The following MCF2 variants were observed in gnomAD, a reference collection of about 807,000 sequenced individuals.
MCF2 encodes MCF.2 cell line derived transforming sequence.
A neutral mutation model predicts 82.5 loss-of-function variants in MCF2; 44 were observed. The observed-to-expected ratio is 0.53, with a 90% CI of 0.42 to 0.69. The LOEUF (loss-of-function observed/expected upper bound fraction) is 0.69, where lower values mean the gene tolerates loss of function less well. MCF2 is among the 30% of genes least tolerant of loss of function. The pLI, the probability that MCF2 is intolerant of heterozygous loss-of-function variation, is 0.00. For synonymous variants in MCF2, 217 were observed against 224.9 expected (o/e 0.96, Z 0.32); for missense variants, 623 against 663.1 (o/e 0.94, Z 0.66).
intron 6 of MCF2, among the ~76,000 whole-genome samples, chrX:139,625,459 G>A (rs921094369): frequency 1.8e-5 from 2 of 111,344 alleles, no homozygotes; most frequent in Non-Finnish European, 3.8e-5. Flanking sequence ...CGCGTCCAGA[G>A]TACAGTGCTC....
At chrX:139,634,512 G>A (rs1439884480) in intron 1 of MCF2, among the ~76,000 whole-genome samples, 3 of 112,266 alleles carry the variant, frequency 2.7e-5, no homozygotes, top group Non-Finnish European at 5.6e-5. Context: ...AAAATGTTAA[G>A]TGGCAATGAG....
At chrX:139,686,938 T>C (rs181812361) in intron 1 of MCF2, among the ~76,000 whole-genome samples, 1 of 111,587 alleles carries the variant, frequency 9.0e-6, no homozygotes, top group Non-Finnish European at 1.9e-5. Flanking sequence ...AACCTTCCAA[T>C]GGCTCATCAT....
chrX:139,665,592 C>T (rs776691660), intron 1 of MCF2, among the ~76,000 whole-genome samples: 1 of 110,821 alleles, frequency 9.0e-6, no homozygotes, highest in South Asian at 3.9e-4. Flanking sequence ...GTCTTTCCTA[C>T]CCTCTTCAGT....
At chrX:139,590,839 T>C (rs913172104) in intron 19 of MCF2, among the ~76,000 whole-genome samples, 2 of 110,480 alleles carry the variant, frequency 1.8e-5, no homozygotes, top group Non-Finnish European at 3.8e-5. Flanking sequence ...GAGATCGCCA[T>C]ACCAAGGAGA....
chrX:139,623,198 T>C (rs1421517387), intron 6 of MCF2, among the ~76,000 whole-genome samples: 1 of 111,543 alleles, frequency 9.0e-6, no homozygotes, highest in Admixed American at 9.5e-5. Context: ...AAGACAGAAC[T>C]ACCATTTGAC....
chrX:139,647,697 G>A (rs1470677240), upstream of MCF2, among the ~76,000 whole-genome samples: 1 of 111,474 alleles, frequency 9.0e-6, no homozygotes, highest in Non-Finnish European at 1.9e-5. Flanking sequence ...TTCTTGGTGA[G>A]GGAATGATTG....
intron 1 of MCF2, among the ~76,000 whole-genome samples, chrX:139,657,403 C>T (rs1005903609): frequency 3.6e-5 from 4 of 112,160 alleles, no homozygotes; most frequent in African/African-American, 6.5e-5. Context: ...GGAAGGTATA[C>T]GCATCCAATC....
At chrX:139,686,941 C>T (rs1261448367) in intron 1 of MCF2, among the ~76,000 whole-genome samples, 1 of 111,572 alleles carries the variant, frequency 9.0e-6, no homozygotes, top group Non-Finnish European at 1.9e-5. Context: ...CTTCCAATGG[C>T]TCATCATCTG....
At chrX:139,653,117 C>T (rs774931534) in intron 1 of MCF2, among the ~76,000 whole-genome samples, 18 of 111,745 alleles carry the variant, frequency 1.6e-4, no homozygotes, top group Non-Finnish European at 9.4e-5. Flanking sequence ...CATTTACACT[C>T]GCAGTTATTC....
intron 1 of MCF2, among the ~76,000 whole-genome samples, chrX:139,678,512 T>C (rs930039767): frequency 8.9e-5 from 10 of 112,028 alleles, no homozygotes; most frequent in Admixed American, 1.9e-4. Flanking sequence ...TCAAAATACA[T>C]GATAAAGAAA....
intron 7 of MCF2, 40 bp downstream of exon 10, chrX:139,619,547 A>G: frequency 9.7e-7 from 1 of 1,035,893 alleles, no homozygotes; most frequent in Non-Finnish European, 1.3e-6. Context: ...CATGACTATT[A>G]TACTGTATAA....
intron 7 of MCF2, among the ~76,000 whole-genome samples, 161 bp from the exon 11 acceptor site, chrX:139,617,865 A>G (rs957990710): frequency 9.2e-6 from 1 of 109,106 alleles, no homozygotes; most frequent in Admixed American, 9.8e-5. Flanking sequence ...AAAAAAACAC[A>G]AACAAACAAA....
intron 8 of MCF2, 41 bp downstream of exon 11, chrX:139,617,472 T>G (rs779182789): frequency 9.4e-7 from 1 of 1,066,203 alleles, no homozygotes; most frequent in South Asian, 2.6e-5. Flanking sequence ...GAAAAAAATG[T>G]GTGTTCCTTT....
chrX:139,611,317 C>T (rs1053480452), intron 10 of MCF2, among the ~76,000 whole-genome samples: 4 of 111,829 alleles, frequency 3.6e-5, no homozygotes, highest in South Asian at 3.8e-4. Flanking sequence ...ATATTTTCTA[C>T]CTAAACTTCA....
At chrX:139,659,342 T>C (rs938870051) in intron 1 of MCF2, among the ~76,000 whole-genome samples, 17 of 111,846 alleles carry the variant, frequency 1.5e-4, no homozygotes, top group African/African-American at 4.9e-4. Context: ...TGAGAGTCTT[T>C]GCCTTCATGA....
At chrX:139,663,042 G>A (rs1172478424) in intron 1 of MCF2, among the ~76,000 whole-genome samples, 5 of 111,846 alleles carry the variant, frequency 4.5e-5, no homozygotes, top group East Asian at 2.8e-4. Flanking sequence ...CCATTCATCC[G>A]TTGATGGACA....
Position 139,604,861 on chromosome X carries a change from T to C in MCF2, c.1673+8A>G. 1 of 1,114,969 alleles carries C rather than the reference T, an allele frequency of 9.0e-7. No homozygotes were observed. Among genetic ancestry groups the C allele is most frequent in the Non-Finnish European group, 1.2e-6 (1 of 815,183 alleles). 91.9% of individuals were successfully genotyped at this position (1,114,969 alleles called of 1,213,427 possible). A position where few individuals can be genotyped will look rare whatever the true frequency, so the allele number is the denominator to read the frequency against. On this transcript the variant is annotated splice_region_variant and intron_variant, in intron 14 of 24. Coordinates refer to ENST00000370576, the Ensembl canonical transcript of MCF2. ...AAAAAATAAATATTCAATTCAGCAA[T>C]TACATACTCGTTATGGAATTCATAT...
chrX:139,631,615 G>A lies in MCF2; in HGVS notation c.172-104C>T, dbSNP rs1265342021. The A allele has an allele frequency of 1.0e-5, 5 of 501,180 alleles. No homozygotes were observed. In the African/African-American group the frequency reaches 1.2e-4, roughly 12 times the overall value. The allele number at this position is 501,180 out of a possible 1,213,427, so 41.3% of individuals were successfully genotyped here. ...ATACATTTAGCAGAAAGTTACCTCTGATAAATGGTTTTAACAGTTCTCTCC... is the reference window on the plus strand; with the variant it reads ...ATACATTTAGCAGAAAGTTACCTCTAATAAATGGTTTTAACAGTTCTCTCC... On this transcript the variant is annotated intron_variant, in intron 2 of 24. Transcript: ENST00000370576.
chrX:139,689,845 A>G (rs1251514117), intron 1 of MCF2, among the ~76,000 whole-genome samples: 1 of 110,988 alleles, frequency 9.0e-6, no homozygotes, highest in African/African-American at 3.3e-5. Context: ...AAGATTCTGC[A>G]CACACATATG....
Sources: gnomAD v4.1 joint callset for allele counts (sites outside exome capture counted in the v4.1 genomes callset) on GRCh38, gnomAD v4.1.1 for gene constraint, MANE v1.5 for transcripts, NCBI Gene and HGNC (gene_info 2026-07-23, HGNC 2026-07-21) for gene names.